Variants in U2SURP observed in about 807,000 individuals in gnomAD.
The protein encoded by U2SURP is U2 snRNP associated SURP domain containing.
In U2SURP, 9 loss-of-function variants were observed where a neutral mutation model predicts 144.9. The ratio of observed to expected loss-of-function variants is 0.06; its 90% confidence interval spans 0.04 to 0.11. U2SURP has a LOEUF of 0.11. U2SURP is among the 10% of genes least tolerant of loss of function. The pLI is 1.00. For missense variants in U2SURP, 724 were observed against 1,226.7 expected (o/e 0.59, Z 6.12); for synonymous variants, 408 against 396.8 (o/e 1.03, Z -0.33).
At chr3:143,011,614 A>G (rs992876523) in intron 2 of U2SURP, among the ~76,000 whole-genome samples, 1 of 152,126 alleles carries the variant, frequency 6.6e-6, no homozygotes, top group Non-Finnish European at 1.5e-5. Flanking sequence ...ACTTGTAGTC[A>G]TTATATTCTT....
At chr3:143,037,095 T>C (rs1236905371) in intron 20 of U2SURP, 84 bp from the exon 21 acceptor site, 2 of 1,350,396 alleles carry the variant, frequency 1.5e-6, no homozygotes, top group Non-Finnish European at 2.0e-6. Flanking sequence ...TTATGTTGGC[T>C]TGTACTGGAT....
intron 20 of U2SURP, 112 bp from the exon 21 acceptor site, chr3:143,037,067 C>T (rs763099114): frequency 9.1e-6 from 9 of 984,092 alleles, no homozygotes; most frequent in Admixed American, 2.6e-5. Flanking sequence ...CATTGTACCT[C>T]AGATTGTGGG....
chr3:143,047,668 A>G (rs1578168362), intron 24 of U2SURP, among the ~76,000 whole-genome samples: 3 of 47,898 alleles, frequency 6.3e-5, no homozygotes, highest in East Asian at 8.2e-4. Context: ...CTGGCCGGGC[A>G]GAGGGGCTCC....
At chr3:143,029,550 A>G (rs531652280) in intron 16 of U2SURP, among the ~76,000 whole-genome samples, 17 of 152,356 alleles carry the variant, frequency 1.1e-4, no homozygotes, top group African/African-American at 4.1e-4. Context: ...TTCAGTGACT[A>G]GCTGTTTTCC....
intron 24 of U2SURP, among the ~76,000 whole-genome samples, chr3:143,049,303 A>C (rs929933078): frequency 6.7e-6 from 1 of 148,454 alleles, no homozygotes; most frequent in African/African-American, 2.5e-5. Context: ...GAAAGAAAAT[A>C]CCACTTGGAA....
At chr3:143,052,950 G>A in intron 25 of U2SURP, among the ~76,000 whole-genome samples, 1 of 132,926 alleles carries the variant, frequency 7.5e-6, no homozygotes, top group South Asian at 2.4e-4. Flanking sequence ...AAATGTGTTG[G>A]TTTTTTTTTT....
chr3:143,017,305 C>G (rs1437691511), intron 6 of U2SURP: 3 of 182,358 alleles, frequency 1.6e-5, no homozygotes, highest in Non-Finnish European at 3.4e-5. Flanking sequence ...CATTTCTGAA[C>G]TGAGGTATTT....
chr3:143,016,430 G>T (rs551873268), intron 5 of U2SURP, 59 bp downstream of exon 5: 1 of 1,462,148 alleles, frequency 6.8e-7, no homozygotes, highest in South Asian at 1.2e-5. Context: ...TTTTGAGCGA[G>T]CCCCATCTTG....
intron 18 of U2SURP, among the ~76,000 whole-genome samples, chr3:143,034,167 G>A (rs564772940): frequency 7.4e-4 from 113 of 152,270 alleles, no homozygotes; most frequent in Middle Eastern, 3.4e-3. Flanking sequence ...ACTTTGGGAG[G>A]CCAAGAAGGG....
intron 6 of U2SURP, 164 bp downstream of exon 6, chr3:143,017,139 T>G (rs1490243884): frequency 1.9e-6 from 1 of 518,732 alleles, no homozygotes; most frequent in East Asian, 3.5e-5. Flanking sequence ...TAGATGAGAG[T>G]TAATGAATTG....
chr3:143,028,601 A>C lies in U2SURP; in HGVS notation c.1565A>C (p.Glu522Ala). Reference sequence around the variant, plus strand: ...GGAATGTCAGAAGAGCAAGAAACAGAAGCTTTTGTAGAGGAACCTAGTAAA... The same window carrying C: ...GGAATGTCAGAAGAGCAAGAAACAGCAGCTTTTGTAGAGGAACCTAGTAAA... ...LHGMSEEQET[E>A]AFVEEPSKKG... The change falls in exon 16 of 28, where the codon GAA becomes GCA. Residue 522 changes from glutamate to alanine, a missense_variant. Coordinates refer to ENST00000473835, the MANE Select transcript of U2SURP (RefSeq NM_001080415.2). 6.2e-7 allele frequency: 1 copy of C among 1,605,516 alleles called. No homozygotes were observed. The highest frequency in any genetic ancestry group is 8.5e-7 in the Non-Finnish European group (1 of 1,177,766).
chr3:143,034,285 T>G (rs762522535), intron 18 of U2SURP, among the ~76,000 whole-genome samples: 4 of 151,950 alleles, frequency 2.6e-5, no homozygotes, highest in Admixed American at 6.6e-5. Flanking sequence ...GCCTCTGTAA[T>G]CCCAGCTACT....
intron 1 of U2SURP, among the ~76,000 whole-genome samples, chr3:143,009,529 C>T (rs1936012679): frequency 6.6e-6 from 1 of 151,386 alleles, no homozygotes; most frequent in South Asian, 2.1e-4. Context: ...ACCCGGGAGG[C>T]GGAGGCTGCA....
intron 6 of U2SURP, among the ~76,000 whole-genome samples, chr3:143,018,890 A>G (rs1478659133): frequency 1.3e-5 from 2 of 152,158 alleles, no homozygotes; most frequent in Non-Finnish European, 2.9e-5. Flanking sequence ...ACAGCATTGC[A>G]CTCCAGCCTG....
chr3:143,032,755 A>G, intron 16 of U2SURP, 29 bp from the exon 17 acceptor site: 1 of 1,578,766 alleles, frequency 6.3e-7, no homozygotes, highest in Non-Finnish European at 8.6e-7. Flanking sequence ...GTATCTAAAT[A>G]TTTATAAGTT....
intron 25 of U2SURP, 57 bp downstream of exon 25, chr3:143,051,106 C>G (rs1010928902): frequency 1.9e-6 from 2 of 1,051,582 alleles, no homozygotes; most frequent in African/African-American, 1.6e-5. Context: ...ATTTGACTTC[C>G]TAGAATACTG....
At chr3:143,036,983 A>G in intron 20 of U2SURP, 196 bp from the exon 21 acceptor site, 1 of 550,776 alleles carries the variant, frequency 1.8e-6, no homozygotes, top group Non-Finnish European at 3.1e-6. Flanking sequence ...GGCACCAGTG[A>G]GCACTTGGTA....
At chr3:143,016,478 T>G in intron 5 of U2SURP, 107 bp downstream of exon 5, 1 of 959,340 alleles carries the variant, frequency 1.0e-6, no homozygotes. Context: ...GAAAGGAAGT[T>G]TGGTTGCTTT....
chr3:143,012,238 C>A lies in U2SURP; in HGVS notation c.107C>A (p.Pro36His). The A allele has an allele frequency of 6.2e-7, 1 of 1,612,322 alleles. No homozygotes were observed. Among genetic ancestry groups the A allele is most frequent in the Non-Finnish European group, 8.5e-7 (1 of 1,179,198 alleles). ...TTCCTGAAGATGGATGCATCTGGACCCTCAGATAGTGATATGCCAAGTCGG... is the reference window on the plus strand; with the variant it reads ...TTCCTGAAGATGGATGCATCTGGACACTCAGATAGTGATATGCCAAGTCGG... ...SSDAHMDASG[P>H]SDSDMPSRTR... The change falls in exon 3 of 28, where the codon CCC (proline) becomes CAC (histidine). Residue 36 changes from proline to histidine, a missense_variant. By Grantham distance (77) the Pro-to-His change is moderately conservative. Coordinates refer to ENST00000473835, the MANE Select transcript of U2SURP (RefSeq NM_001080415.2).
Sources: gnomAD v4.1 joint callset for allele counts (sites outside exome capture counted in the v4.1 genomes callset) on GRCh38, gnomAD v4.1.1 for gene constraint, MANE v1.5 for transcripts, NCBI Gene and HGNC (gene_info 2026-07-23, HGNC 2026-07-21) for gene names.